Variants in SUB1 observed in about 807,000 individuals in gnomAD.
SUB1 encodes activated RNA polymerase II transcriptional coactivator p15.
Under a neutral mutation model 16.9 loss-of-function variants are expected in SUB1, and 1 was observed. That is an observed-to-expected ratio of 0.06 (90% CI 0.02 to 0.28). The LOEUF is 0.28. Among genes scored for constraint, SUB1 ranks in the 10% least tolerant of loss-of-function variants. The pLI is 1.00. For synonymous variants in SUB1, 51 were observed against 46.9 expected (o/e 1.09, Z -0.36); for missense variants, 84 against 145.2 (o/e 0.58, Z 2.16).
chr5:32,585,616 C>G lies in SUB1; in HGVS notation c.-11C>G, dbSNP rs11555313. ...CAAGAGGGTGTTCGACTGCTAGAGC[C>G]GAGCGAAGCGTGAGTGCGCGGGACC... is the stretch of plus-strand genomic sequence containing the variant. On this transcript the variant is annotated 5_prime_UTR_variant, in exon 1 of 5. Transcript: ENST00000265073. 6.6e-6 allele frequency: 1 copy of G among 152,388 alleles called. No individual in the cohort carries two copies. The highest frequency in any genetic ancestry group is 6.5e-5 in the Admixed American group (1 of 15,306). 9.4% of individuals were successfully genotyped at this position (152,388 alleles called of 1,614,324 possible).
intron 2 of SUB1, 151 bp downstream of exon 2, chr5:32,588,735 G>T (rs1247854198): frequency 2.5e-5 from 17 of 676,502 alleles, no homozygotes; most frequent in Non-Finnish European, 3.6e-5. Flanking sequence ...TCTTTGGGAG[G>T]CCGAGGTGGC....
At chr5:32,591,181 C>G (rs974542902) in intron 2 of SUB1, 1 of 156,656 alleles carries the variant, frequency 6.4e-6, no homozygotes, top group African/African-American at 2.4e-5. Context: ...ATATCTGCTT[C>G]GTAAAATAAG....
Position 32,591,551 on chromosome 5 carries a change from ATTC to A in SUB1, c.73-9_73-7del, listed in dbSNP as rs1738825069. On this transcript the variant is annotated splice_polypyrimidine_tract_variant and intron_variant, in intron 2 of 4. Coordinates refer to ENST00000265073, the MANE Select transcript of SUB1 (RefSeq NM_006713.4). ...TTTTATGTGTGCAAATTTTAACCAT[ATTC>A]TTTTCTAGTTAAAGAGGAAAAAGCA... The A allele has an allele frequency of 1.5e-5, 23 of 1,585,666 alleles. No individual in the cohort carries two copies. Among genetic ancestry groups the A allele is most frequent in the Non-Finnish European group, 1.5e-5 (18 of 1,171,352 alleles).
chr5:32,595,935 A>G (rs1425931364), intron 3 of SUB1: 2 of 151,676 alleles, frequency 1.3e-5, no homozygotes, highest in Non-Finnish European at 2.9e-5. Context: ...TAGTGTGTTT[A>G]TTGGTTATTT....
Sources: gnomAD v4.1 joint callset for allele counts on GRCh38, gnomAD v4.1.1 for gene constraint, MANE v1.5 for transcripts, NCBI Gene and HGNC (gene_info 2026-07-23, HGNC 2026-07-21) for gene names.